PKIB: variants seen among roughly 807,000 people sequenced by gnomAD.
The protein encoded by PKIB is cAMP-dependent protein kinase inhibitor beta, also known as PKI-beta.
In PKIB, 2 loss-of-function variants were observed where a neutral mutation model predicts 4.5. The observed-to-expected ratio is 0.44, with a 90% CI of 0.18 to 1.39. PKIB has a LOEUF of 1.39. PKIB is among the 40% of genes most tolerant of loss of function. PKIB has a pLI of 0.27. For synonymous variants in PKIB, 38 were observed against 36.0 expected (o/e 1.06, Z -0.20); for missense variants, 94 against 92.6 (o/e 1.02, Z -0.06).
chr6:122,563,899 G>T lies in PKIB; in HGVS notation c.-247-22022G>T, dbSNP rs554871962. Among the ~76,000 whole-genome samples, 20 of 152,246 alleles carry T rather than the reference G, an allele frequency of 1.3e-4. No homozygotes were observed. The South Asian group carries it at 4.1e-3, about 32-fold the overall frequency. ...CGCCTCCCAGCTGTGAGAGAAGAAGGCTTGGTTCTTCCCCTGCTGGTGGAG... is the reference window on the plus strand; with the variant it reads ...CGCCTCCCAGCTGTGAGAGAAGAAGTCTTGGTTCTTCCCCTGCTGGTGGAG... On this transcript the variant is annotated intron_variant, in intron 2 of 6. Transcript: ENST00000392491.
At chr6:122,518,846 C>G (rs1050967552) in intron 2 of PKIB, among the ~76,000 whole-genome samples, 2 of 152,116 alleles carry the variant, frequency 1.3e-5, no homozygotes, top group Non-Finnish European at 2.9e-5. Flanking sequence ...TTAAAATACA[C>G]TCAAATACAA....
intron 2 of PKIB, among the ~76,000 whole-genome samples, chr6:122,576,689 A>AAAAAATATATATATAT (rs1345822382): frequency 2.4e-3 from 82 of 34,286 alleles, no homozygotes; most frequent in Non-Finnish European, 2.7e-3. Context: ...AAAAAAAAAA[A>AAAAAATATATATATAT]ATATATATAT....
intron 2 of PKIB, among the ~76,000 whole-genome samples, chr6:122,525,254 T>G (rs1777064895): frequency 6.6e-6 from 1 of 151,104 alleles, no homozygotes; most frequent in African/African-American, 2.5e-5. Flanking sequence ...TATTTGTAGA[T>G]TTTTTAGTTT....
At position 122,622,296 on chromosome 6, in the gene PKIB, C is replaced by G. The variant is rs574576952; in HGVS notation, c.-160-10987C>G. The stretch of plus-strand genomic sequence containing the variant: ...CAAAGTCATAATTTAAAAGGAACAG[C>G]CTTCTTCATTTTTTTTTTGTAAATA... On this transcript the variant is annotated intron_variant, in intron 1 of 4. Coordinates refer to ENST00000368452, the MANE Select transcript of PKIB (RefSeq NM_181795.3). Among the ~76,000 whole-genome samples, 32 of 31,130 alleles carry G rather than the reference C, an allele frequency of 1.0e-3. 1 individual carries two copies. The South Asian group carries it at 0.052, about 51-fold the overall frequency. The allele number at this position is 31,130 out of a possible 152,430, so 20.4% of individuals were successfully genotyped here.
chr6:122,501,807 G>A (rs1776246064), intron 2 of PKIB, among the ~76,000 whole-genome samples: 1 of 152,096 alleles, frequency 6.6e-6, no homozygotes, highest in African/African-American at 2.4e-5. Context: ...TCAGAAAATG[G>A]ATTTTTCTCC....
intron 2 of PKIB, chr6:122,477,946 T>C (rs1287852178): frequency 6.6e-6 from 1 of 152,190 alleles, no homozygotes; most frequent in Admixed American, 6.5e-5. Context: ...ACTGGTAAGG[T>C]CTTAATTTCT....
intron 2 of PKIB, among the ~76,000 whole-genome samples, chr6:122,558,309 C>G (rs887042118): frequency 6.6e-6 from 1 of 152,138 alleles, no homozygotes; most frequent in Non-Finnish European, 1.5e-5. Context: ...ATTCTACCAG[C>G]TTAGTAATGC....
intron 2 of PKIB, among the ~76,000 whole-genome samples, chr6:122,648,087 A>T (rs1245013682): frequency 6.6e-6 from 1 of 152,200 alleles, no homozygotes; most frequent in Non-Finnish European, 1.5e-5. Flanking sequence ...CACCCCAACC[A>T]ATATAGTAAC....
In PKIB at chr6:122,708,701, T is replaced by C. The variant is rs1388019178; in HGVS notation, c.-8-9086T>C. Among the ~76,000 whole-genome samples the C allele has an allele frequency of 3.3e-5, 5 of 152,184 alleles. No individual in the cohort carries two copies. In the East Asian group the frequency reaches 9.6e-4, roughly 29 times the overall value. ...CAGGCTGGAGTGTAGTAGCGTGATC[T>C]CAGGTCACTGCAACCTCCTCCTCCC... On this transcript the variant is annotated intron_variant, in intron 3 of 4. Coordinates refer to ENST00000368452, the MANE Select transcript of PKIB (RefSeq NM_181795.3).
chr6:122,542,598 C>T (rs1335924676), intron 2 of PKIB, among the ~76,000 whole-genome samples: 2 of 151,978 alleles, frequency 1.3e-5, no homozygotes, highest in Non-Finnish European at 1.5e-5. Flanking sequence ...AGAGGAGTAC[C>T]CGGCCGTGTG....
upstream of PKIB, among the ~76,000 whole-genome samples, chr6:122,606,258 A>G (rs879821495): frequency 1.3e-5 from 2 of 152,222 alleles, no homozygotes; most frequent in African/African-American, 2.4e-5. Context: ...AAGACAATCA[A>G]GGATTGCCTG....
At chr6:122,714,704 G>A (rs887099601) in intron 3 of PKIB, among the ~76,000 whole-genome samples, 2 of 152,108 alleles carry the variant, frequency 1.3e-5, no homozygotes, top group South Asian at 2.1e-4. Flanking sequence ...TGGGAGAGCT[G>A]CAGAAAAGAT....
intron 2 of PKIB, among the ~76,000 whole-genome samples, chr6:122,664,518 G>A (rs1338596159): frequency 6.6e-6 from 1 of 152,060 alleles, no homozygotes; most frequent in Admixed American, 6.6e-5. Context: ...CTCAAGCAAT[G>A]CTTCTGCTTC....
chr6:122,561,778 A>G (rs1335580276), intron 2 of PKIB, among the ~76,000 whole-genome samples: 2 of 151,524 alleles, frequency 1.3e-5, no homozygotes, highest in Non-Finnish European at 2.9e-5. Context: ...GCCTTTTTCC[A>G]CCCCTTTACT....
chr6:122,640,140 C>G (rs191011609), intron 2 of PKIB, among the ~76,000 whole-genome samples: 1 of 152,124 alleles, frequency 6.6e-6, no homozygotes, highest in East Asian at 1.9e-4. Flanking sequence ...AAAATGGTTG[C>G]TATATAGTGG....
chr6:122,678,068 C>T (rs9375161), intron 3 of PKIB, among the ~76,000 whole-genome samples: 38,598 of 151,882 alleles, frequency 0.25, 5,426 homozygotes, highest in East Asian at 0.37. Flanking sequence ...CCACCATGCC[C>T]GGCTAATTTT....
chr6:122,473,598 G>A (rs1337599688), intron 1 of PKIB, among the ~76,000 whole-genome samples: 1 of 152,094 alleles, frequency 6.6e-6, no homozygotes, highest in East Asian at 1.9e-4. Context: ...AGTATATATA[G>A]ACTATTTTAT....
intron 3 of PKIB, among the ~76,000 whole-genome samples, chr6:122,717,187 T>TA (rs1254113207): frequency 9.4e-5 from 9 of 95,322 alleles, no homozygotes; most frequent in Non-Finnish European, 1.9e-4. Context: ...AACCTGAAGG[T>TA]AAAAAAACCT....
intron 2 of PKIB, among the ~76,000 whole-genome samples, chr6:122,664,435 G>A (rs1159068895): frequency 6.6e-6 from 1 of 152,046 alleles, no homozygotes; most frequent in African/African-American, 2.4e-5. Context: ...TTTTAGAGAC[G>A]GGTTTTTCTC....
Sources: gnomAD v4.1 joint callset for allele counts (sites outside exome capture counted in the v4.1 genomes callset) on GRCh38, gnomAD v4.1.1 for gene constraint, MANE v1.5 for transcripts, NCBI Gene and HGNC (gene_info 2026-07-23, HGNC 2026-07-21) for gene names.